Variants in TENM4 observed in about 807,000 individuals in gnomAD.
The protein encoded by TENM4 is teneurin transmembrane protein 4, also known as teneurin-4.
Under a neutral mutation model 243.3 loss-of-function variants are expected in TENM4, and 82 were observed. That is an observed-to-expected ratio of 0.34 (90% confidence interval 0.28 to 0.40). TENM4 has a LOEUF of 0.40. TENM4 is among the 10% of genes least tolerant of loss of function. The pLI is 1.00. For missense variants in TENM4, 3,138 were observed against 3,673.3 expected, an observed-to-expected ratio of 0.85 and a Z score of 3.77; for synonymous variants, 1,412 against 1,456.3, an observed-to-expected ratio of 0.97 and a Z score of 0.69.
chr11:78,805,197 A>G (rs1857361478), intron 15 of TENM4, 95 bp downstream of exon 15: 4 of 617,488 alleles, frequency 6.5e-6, no homozygotes, highest in Non-Finnish European at 9.5e-6. Context: ...CGGGGAATGC[A>G]TTGCTACGTG....
At chr11:78,737,929 A>C (rs1027364597) in intron 20 of TENM4, among the ~76,000 whole-genome samples, 1 of 152,212 alleles carries the variant, frequency 6.6e-6, no homozygotes, top group Non-Finnish European at 1.5e-5. Context: ...TTAACAGATG[A>C]AGCCAAGACA....
chr11:79,076,770 G>C (rs891706838), intron 4 of TENM4, among the ~76,000 whole-genome samples: 6 of 152,128 alleles, frequency 3.9e-5, no homozygotes, highest in East Asian at 1.9e-4. Flanking sequence ...GGAAAAGAAA[G>C]GGCTAGTAAT....
intron 9 of TENM4, among the ~76,000 whole-genome samples, chr11:78,867,381 G>A (rs1347042332): frequency 9.2e-5 from 14 of 152,070 alleles, no homozygotes. Flanking sequence ...CAAAATAAAG[G>A]GGACATTTAA....
chr11:78,997,352 G>T (rs1858201499), intron 6 of TENM4, among the ~76,000 whole-genome samples: 1 of 152,180 alleles, frequency 6.6e-6, no homozygotes, highest in African/African-American at 2.4e-5. Flanking sequence ...TTTTGGCACA[G>T]AAGATAATAC....
intron 1 of TENM4, among the ~76,000 whole-genome samples, chr11:79,411,224 T>C (rs1036526142): frequency 1.2e-4 from 18 of 152,158 alleles, no homozygotes; most frequent in Admixed American, 9.8e-4. Context: ...TTAGGCTCCC[T>C]AGAAATCTAG....
intron 4 of TENM4, among the ~76,000 whole-genome samples, chr11:79,091,552 G>A (rs1287996052): frequency 1.3e-5 from 2 of 152,060 alleles, no homozygotes; most frequent in Non-Finnish European, 2.9e-5. Context: ...GTTCTCTACT[G>A]CCTAAAGTCT....
chr11:78,685,424 T>A (rs919963182), intron 29 of TENM4, among the ~76,000 whole-genome samples: 1 of 152,240 alleles, frequency 6.6e-6, no homozygotes, highest in African/African-American at 2.4e-5. Flanking sequence ...GGAAAGAGCT[T>A]GGCAGAGCTA....
At chr11:78,724,180 G>A (rs1259439351) in intron 23 of TENM4, among the ~76,000 whole-genome samples, 1 of 151,962 alleles carries the variant, frequency 6.6e-6, no homozygotes, top group African/African-American at 2.4e-5. Context: ...GAACTCCTGA[G>A]CTCAAGTGAT....
intron 15 of TENM4, among the ~76,000 whole-genome samples, chr11:78,789,500 C>T (rs1591025467): frequency 6.6e-6 from 1 of 152,220 alleles, no homozygotes; most frequent in South Asian, 2.1e-4. Context: ...AGGGCAATGA[C>T]TTCCTGGTGA....
intron 15 of TENM4, among the ~76,000 whole-genome samples, chr11:78,794,040 C>T (rs953403644): frequency 2.0e-5 from 3 of 152,268 alleles, no homozygotes; most frequent in East Asian, 1.9e-4. Context: ...TCTGTTTATC[C>T]GTCTGTTCAT....
At chr11:78,724,129 G>T (rs1855461760) in intron 23 of TENM4, among the ~76,000 whole-genome samples, 1 of 150,950 alleles carries the variant, frequency 6.6e-6, no homozygotes, top group African/African-American at 2.4e-5. Context: ...TGTTGCCCAG[G>T]CTAGAGTATA....
chr11:78,708,097 C>T (rs1352379647), intron 27 of TENM4, among the ~76,000 whole-genome samples: 1 of 152,222 alleles, frequency 6.6e-6, no homozygotes, highest in African/African-American at 2.4e-5. Context: ...CTCTGTCTAT[C>T]CTACTCTGCT....
intron 4 of TENM4, among the ~76,000 whole-genome samples, chr11:79,079,847 A>G (rs1020647716): frequency 6.5e-4 from 98 of 151,820 alleles, no homozygotes; most frequent in Non-Finnish European, 1.1e-3. Flanking sequence ...AAAAAAAAAA[A>G]AAGAAGAAAG....
At chr11:79,196,511 G>A (rs1441236729) in intron 3 of TENM4, among the ~76,000 whole-genome samples, 5 of 152,128 alleles carry the variant, frequency 3.3e-5, no homozygotes, top group African/African-American at 7.2e-5. Context: ...GTCCTAACCC[G>A]ACCTATCGGG....
chr11:78,907,012 T>C (rs553833748), intron 6 of TENM4, among the ~76,000 whole-genome samples: 1 of 152,248 alleles, frequency 6.6e-6, no homozygotes, highest in African/African-American at 2.4e-5. Flanking sequence ...ATGCAGGCCT[T>C]CACTTATTTG....
chr11:79,282,956 G>A (rs942904404), intron 2 of TENM4, among the ~76,000 whole-genome samples: 1 of 152,186 alleles, frequency 6.6e-6, no homozygotes, highest in Non-Finnish European at 1.5e-5. Flanking sequence ...CTTCACTGCA[G>A]TGTTGTTTCT....
At chr11:79,052,952 C>T (rs1191890165) in intron 6 of TENM4, among the ~76,000 whole-genome samples, 1 of 152,232 alleles carries the variant, frequency 6.6e-6, no homozygotes, top group East Asian at 1.9e-4. Flanking sequence ...CATGGTAACA[C>T]ATCACCGTTC....
chr11:79,358,002 C>T (rs1857525801), intron 1 of TENM4, among the ~76,000 whole-genome samples: 1 of 152,172 alleles, frequency 6.6e-6, no homozygotes, highest in South Asian at 2.1e-4. Context: ...GAAATGTTTC[C>T]ACTTTGAAAT....
intron 2 of TENM4, among the ~76,000 whole-genome samples, chr11:79,251,803 C>T (rs192939334): frequency 2.1e-5 from 3 of 139,910 alleles, no homozygotes; most frequent in Non-Finnish European, 3.0e-5. Flanking sequence ...AAATAAAACT[C>T]GAAAAAATGA....
Sources: allele counts gnomAD v4.1 joint callset (sites outside exome capture counted in the v4.1 genomes callset), GRCh38; gene constraint gnomAD v4.1.1; transcripts MANE v1.5; gene names NCBI Gene and HGNC (gene_info 2026-07-23, HGNC 2026-07-21).